Variants in SMARCB1 observed in about 807,000 individuals in gnomAD.
The protein encoded by SMARCB1 is SWI/SNF related BAF chromatin remodeling complex subunit B1.
SMARCB1 carries 5 observed loss-of-function variants against 49.0 expected under a neutral mutation model. The ratio of observed to expected loss-of-function variants is 0.10; its 90% CI spans 0.05 to 0.21. SMARCB1 has a LOEUF of 0.21. SMARCB1 is among the 10% of genes least tolerant of loss of function. The pLI is 1.00. For synonymous variants in SMARCB1, 201 were observed against 200.1 expected (o/e 1.00, Z -0.04); for missense variants, 226 against 509.2 (o/e 0.44, Z 5.35).
chr22:23,816,339 T>G (rs62238984), intron 5 of SMARCB1: 1 of 296,950 alleles, frequency 3.4e-6, no homozygotes, highest in Non-Finnish European at 6.6e-6. Flanking sequence ...GCACAGTGTG[T>G]TTTGCTCACA....
At chr22:23,803,733 C>G in intron 5 of SMARCB1, 1 of 435,518 alleles carries the variant, frequency 2.3e-6, no homozygotes, top group East Asian at 4.7e-5. Flanking sequence ...TAGTTCAGCC[C>G]CCGAGCCCTG....
In SMARCB1 at chr22:23,836,831, G is replaced by A; in HGVS notation, c.*2651G>A. 1 of 1,436,236 alleles carries A rather than the reference G, an allele frequency of 7.0e-7. No homozygotes were observed. The highest frequency in any genetic ancestry group is 9.1e-7 in the Non-Finnish European group (1 of 1,093,588). The allele number at this position is 1,436,236 out of a possible 1,614,324, so 89.0% of individuals were successfully genotyped here. ...AGTAGGGGTCATGGGTAGGATGGAA[G>A]CTGCCAGAAGCCTCTTAGGCCTGGC... On this transcript the variant is annotated 3_prime_UTR_variant, in exon 9 of 9. Coordinates refer to ENST00000644036, the MANE Select transcript of SMARCB1 (RefSeq NM_003073.5).
intron 6 of SMARCB1, among the ~76,000 whole-genome samples, chr22:23,822,907 A>G (rs2030169651): frequency 1.5e-5 from 2 of 133,632 alleles, no homozygotes; most frequent in Non-Finnish European, 3.1e-5. Context: ...CTGGTACACC[A>G]CATGCTCACT....
At chr22:23,792,647 CTGTT>C (rs1928469065) in intron 2 of SMARCB1, 2 of 157,518 alleles carry the variant, frequency 1.3e-5, no homozygotes, top group South Asian at 1.9e-4. Context: ...GTAGTCTGCC[CTGTT>C]TGTTTGTGTC....
chr22:23,806,507 T>C (rs1929507456), intron 5 of SMARCB1, among the ~76,000 whole-genome samples: 1 of 152,228 alleles, frequency 6.6e-6, no homozygotes, highest in Admixed American at 6.5e-5. Context: ...TGTTACTGAT[T>C]TGCTTTGAAA....
chr22:23,806,140 C>T (rs1187432091), intron 5 of SMARCB1, among the ~76,000 whole-genome samples: 3 of 152,122 alleles, frequency 2.0e-5, no homozygotes, highest in Admixed American at 6.6e-5. Context: ...CAGAATGAGA[C>T]GTGAAAATCA....
chr22:23,797,778 T>C (rs1436225270), intron 3 of SMARCB1, among the ~76,000 whole-genome samples: 1 of 151,014 alleles, frequency 6.6e-6, no homozygotes, highest in East Asian at 1.9e-4. Context: ...GCACCACACC[T>C]AGCTAATTTT....
At chr22:23,809,871 A>C (rs1929755558) in intron 5 of SMARCB1, among the ~76,000 whole-genome samples, 1 of 152,066 alleles carries the variant, frequency 6.6e-6, no homozygotes, top group Non-Finnish European at 1.5e-5. Flanking sequence ...AGACATTCTT[A>C]GATGAAAGAA....
chr22:23,810,527 CAAAAAAAAAAAA>C (rs201408640), intron 5 of SMARCB1, among the ~76,000 whole-genome samples: 8 of 79,572 alleles, frequency 1.0e-4, no homozygotes, highest in African/African-American at 3.8e-4. Flanking sequence ...GACTCTGTCT[CAAAAAAAAAAAA>C]AAAAAAAAGA....
chr22:23,802,129 C>A, intron 4 of SMARCB1: 1 of 154,080 alleles, frequency 6.5e-6, no homozygotes, highest in Non-Finnish European at 1.4e-5. Context: ...GCTGGTGTGG[C>A]CTCTGCTCCA....
chr22:23,835,619 G>T lies in SMARCB1; in HGVS notation c.*1439G>T. On this transcript the variant is annotated 3_prime_UTR_variant, in exon 9 of 9. Transcript: ENST00000644036. ...CTCCCCAGAGCCCCATGCACAGCAA[G>T]GGGACAGCTGGGCCTTACTGGAAGG... 1.0e-6 allele frequency: 1 copy of T among 985,516 alleles called. No homozygotes were observed. Among genetic ancestry groups the T allele is most frequent in the African/African-American group, 1.7e-5 (1 of 57,380 alleles). The allele number at this position is 985,516 out of a possible 1,614,324, so 61.0% of individuals were successfully genotyped here. A position where few individuals can be genotyped will look rare whatever the true frequency, so the allele number is the denominator to read the frequency against.
At chr22:23,823,311 A>T (rs11703421) in intron 6 of SMARCB1, 1 of 152,114 alleles carries the variant, frequency 6.6e-6, no homozygotes, top group Non-Finnish European at 1.5e-5. Context: ...GGGTGGTTCC[A>T]TGGGCTGTCT....
chr22:23,787,298 GGCCCCGCGGGA>G (rs1258939171), intron 1 of SMARCB1, 36 bp downstream of exon 1: 1 of 1,341,778 alleles, frequency 7.5e-7, no homozygotes, highest in Admixed American at 1.8e-5. Context: ...CCCCGGGCTC[GGCCCCGCGGGA>G]GCCCCGGGGC....
In SMARCB1 at chr22:23,834,169, C is replaced by A. The variant is rs1361302257; in HGVS notation, c.1147C>A (p.Pro383Thr). 1 of 1,593,002 alleles carries A rather than the reference C, an allele frequency of 6.3e-7. No homozygotes were observed. Among genetic ancestry groups the A allele is most frequent in the Non-Finnish European group, 8.5e-7 (1 of 1,170,066 alleles). ...RRMRRLANTA[P>T]AW is the part of the protein sequence containing the mutation. ...GATGAGGCGTCTTGCCAACACGGCCCCGGCCTGGTAACCAGCCCATCAGCA... is the reference window on the plus strand; with the variant it reads ...GATGAGGCGTCTTGCCAACACGGCCACGGCCTGGTAACCAGCCCATCAGCA... The change falls in exon 9 of 9, where the codon CCG becomes ACG. Residue 383 changes from proline (P) to threonine (T), a missense_variant. Pro to Thr is a conservative substitution (Grantham distance 38). Around this residue, in one of 6 missense-constraint regions of SMARCB1, gnomAD observed 15 missense variants for 17.0 expected, o/e 0.88. Coordinates refer to ENST00000644036, the MANE Select transcript of SMARCB1 (RefSeq NM_003073.5).
At position 23,835,060 on chromosome 22, in the gene SMARCB1, T is replaced by C. The variant is rs2030933176; in HGVS notation, c.*880T>C. 7.1e-7 allele frequency: 1 copy of C among 1,401,530 alleles called. No individual in the cohort carries two copies. 86.8% of individuals were successfully genotyped at this position (1,401,530 alleles called of 1,614,324 possible). A position where few individuals can be genotyped will look rare whatever the true frequency, so the allele number is the denominator to read the frequency against. On this transcript the variant is annotated 3_prime_UTR_variant, in exon 9 of 9. Transcript: ENST00000644036. ...GGCCCTTTCCCACCCCAGCAGGTGCTGTGGCCTGGGCCAGCTCCTGCCTTA... is the reference window on the plus strand; with the variant it reads ...GGCCCTTTCCCACCCCAGCAGGTGCCGTGGCCTGGGCCAGCTCCTGCCTTA...
At chr22:23,810,209 C>T (rs8139613) in intron 5 of SMARCB1, among the ~76,000 whole-genome samples, 1 of 149,212 alleles carries the variant, frequency 6.7e-6, no homozygotes, top group African/African-American at 2.5e-5. Flanking sequence ...CCCCTGCAGA[C>T]CTTCCCTAAA....
At chr22:23,802,873 T>G in intron 4 of SMARCB1, 1 of 337,880 alleles carries the variant, frequency 3.0e-6, no homozygotes, top group Non-Finnish European at 5.8e-6. Flanking sequence ...CCTCACGGAA[T>G]CTGTGCTCTG....
At chr22:23,800,533 T>A (rs1488759481) in intron 3 of SMARCB1, among the ~76,000 whole-genome samples, 2 of 152,198 alleles carry the variant, frequency 1.3e-5, no homozygotes, top group South Asian at 2.1e-4. Context: ...CTCCCTGGAC[T>A]GCCCCTCAGT....
chr22:23,812,755 G>A (rs994912410), intron 5 of SMARCB1, among the ~76,000 whole-genome samples: 1 of 151,758 alleles, frequency 6.6e-6, no homozygotes, highest in African/African-American at 2.4e-5. Context: ...TACAGAAAAA[G>A]CATTTTGTAG....
Sources: allele counts gnomAD v4.1 joint callset (sites outside exome capture counted in the v4.1 genomes callset), GRCh38; gene constraint gnomAD v4.1.1; regional missense constraint gnomAD v4.1.1; transcripts MANE v1.5; gene names NCBI Gene and HGNC (gene_info 2026-07-23, HGNC 2026-07-21).